Variants in ATL2 observed in about 807,000 individuals in gnomAD.
ATL2 encodes the protein atlastin-2.
A neutral mutation model predicts 73.9 loss-of-function variants in ATL2; 31 were observed. That is an observed-to-expected ratio of 0.42 (90% CI 0.32 to 0.57). The LOEUF (loss-of-function observed/expected upper bound fraction) is 0.57. Among genes scored for constraint, ATL2 ranks in the 20% least tolerant of loss-of-function variants. The pLI is 0.14. For synonymous variants in ATL2, 291 were observed against 237.5 expected, an observed-to-expected ratio of 1.23 and a Z score of -2.07; for missense variants, 738 against 702.6, an observed-to-expected ratio of 1.05 and a Z score of -0.57.
intron 2 of ATL2, among the ~76,000 whole-genome samples, chr2:38,322,092 G>C (rs780357273): frequency 6.6e-6 from 1 of 151,852 alleles, no homozygotes; most frequent in Non-Finnish European, 1.5e-5. Context: ...TGAGAGCAAA[G>C]GCTACAAACA....
intron 9 of ATL2, 114 bp downstream of exon 9, chr2:38,309,265 A>C: frequency 9.6e-7 from 1 of 1,046,124 alleles, no homozygotes; most frequent in Non-Finnish European, 1.3e-6. Flanking sequence ...GATAAATCAC[A>C]AATCTTACTC....
At chr2:38,297,748 C>T (rs982095938) in intron 12 of ATL2, among the ~76,000 whole-genome samples, 1 of 152,284 alleles carries the variant, frequency 6.6e-6, no homozygotes, top group African/African-American at 2.4e-5. Flanking sequence ...TGCATTGCTG[C>T]TTGCCAATAT....
intron 7 of ATL2, among the ~76,000 whole-genome samples, chr2:38,311,749 A>G (rs944356981): frequency 7.9e-5 from 12 of 152,216 alleles, no homozygotes; most frequent in African/African-American, 2.9e-4. Context: ...TTCATTTTTT[A>G]TAAATTCATC....
intron 1 of ATL2, among the ~76,000 whole-genome samples, chr2:38,366,505 C>A (rs931629926): frequency 3.9e-5 from 6 of 152,074 alleles, no homozygotes; most frequent in African/African-American, 1.4e-4. Context: ...TAAAAAGTTA[C>A]CAAAATACTG....
chr2:38,306,891 A>G (rs1667475615), intron 9 of ATL2, among the ~76,000 whole-genome samples: 1 of 152,202 alleles, frequency 6.6e-6, no homozygotes, highest in South Asian at 2.1e-4. Flanking sequence ...TGGAAGTTGT[A>G]CTTCAGTACA....
At chr2:38,349,114 G>GT (rs1312368563) in intron 1 of ATL2, among the ~76,000 whole-genome samples, 2 of 151,724 alleles carry the variant, frequency 1.3e-5, no homozygotes, top group East Asian at 1.9e-4. Flanking sequence ...AGTCAGTGTG[G>GT]CGATTCCTCA....
At chr2:38,367,445 T>C (rs545652995) in intron 1 of ATL2, among the ~76,000 whole-genome samples, 20 of 149,700 alleles carry the variant, frequency 1.3e-4, no homozygotes, top group Admixed American at 5.3e-4. Context: ...CTATTAAAAA[T>C]ACAAAAAAAA....
At chr2:38,314,356 T>C (rs1275677349) in intron 6 of ATL2, among the ~76,000 whole-genome samples, 1 of 152,204 alleles carries the variant, frequency 6.6e-6, no homozygotes, top group Non-Finnish European at 1.5e-5. Context: ...ATAACATCTG[T>C]TAAGAGAAAC....
intron 2 of ATL2, among the ~76,000 whole-genome samples, chr2:38,321,979 C>T (rs1484000087): frequency 1.3e-5 from 2 of 152,132 alleles, no homozygotes; most frequent in Non-Finnish European, 2.9e-5. Context: ...TGATACTCCC[C>T]ATAGATCTCA....
At chr2:38,348,646 A>C (rs890737858) in intron 1 of ATL2, among the ~76,000 whole-genome samples, 1 of 151,902 alleles carries the variant, frequency 6.6e-6, no homozygotes, top group Non-Finnish European at 1.5e-5. Flanking sequence ...GAAAAAAAAA[A>C]AACCCAAAAG....
At chr2:38,316,486 T>C (rs1023452541) in intron 4 of ATL2, among the ~76,000 whole-genome samples, 4 of 152,150 alleles carry the variant, frequency 2.6e-5, no homozygotes, top group African/African-American at 4.8e-5. Context: ...TATGTATTTG[T>C]TGAAGGAATA....
intron 9 of ATL2, among the ~76,000 whole-genome samples, chr2:38,304,950 C>G (rs1250113866): frequency 6.6e-6 from 1 of 151,976 alleles, no homozygotes; most frequent in Non-Finnish European, 1.5e-5. Context: ...TGTAAATGGG[C>G]TAAACTCTCC....
chr2:38,330,685 A>C (rs563347484), intron 2 of ATL2, among the ~76,000 whole-genome samples: 84 of 152,384 alleles, frequency 5.5e-4, no homozygotes, highest in African/African-American at 2.0e-3. Context: ...AAATTGAAGA[A>C]AAGTGCAAAA....
chr2:38,366,515 G>A (rs1558458407), intron 1 of ATL2, among the ~76,000 whole-genome samples: 1 of 152,052 alleles, frequency 6.6e-6, no homozygotes, highest in African/African-American at 2.4e-5. Flanking sequence ...CCAAAATACT[G>A]CCTATCTTTT....
chr2:38,354,106 C>G (rs1472627112), intron 1 of ATL2: 2 of 397,450 alleles, frequency 5.0e-6, no homozygotes, highest in Non-Finnish European at 9.9e-6. Flanking sequence ...GCAGAGGAAT[C>G]ACTTGAACCC....
intron 1 of ATL2, among the ~76,000 whole-genome samples, chr2:38,362,892 A>G (rs1671091383): frequency 6.6e-6 from 1 of 152,248 alleles, no homozygotes. Flanking sequence ...CTCCTACAAG[A>G]TGACATTTGA....
At chr2:38,300,853 G>A (rs1667147376) in intron 9 of ATL2, among the ~76,000 whole-genome samples, 1 of 142,216 alleles carries the variant, frequency 7.0e-6, no homozygotes, top group African/African-American at 2.7e-5. Context: ...ACTTTGACCA[G>A]CTTAAATTGT....
At chr2:38,332,467 G>C (rs1032544301) in intron 2 of ATL2, among the ~76,000 whole-genome samples, 1 of 152,034 alleles carries the variant, frequency 6.6e-6, no homozygotes, top group African/African-American at 2.4e-5. Context: ...CGGCCTCCCA[G>C]AGTTCTGGGA....
rs866759403 is a variant in ATL2 at position 38,294,270 on chromosome 2, C to G, written c.*1724G>C. Among the ~76,000 whole-genome samples, 1 of 152,210 alleles carries G rather than the reference C, an allele frequency of 6.6e-6. No homozygotes were observed. The highest frequency in any genetic ancestry group is 2.4e-5 in the African/African-American group (1 of 41,456). ...TTCGCTTAAAAAGCAAACTAAGGGC[C>G]GGGCGCGGTGGCTCACGCCTGTAAT... On this transcript the variant is annotated 3_prime_UTR_variant, in exon 13 of 13. Coordinates refer to ENST00000378954, the MANE Select transcript of ATL2 (RefSeq NM_001135673.4).
Sources: allele counts gnomAD v4.1 joint callset (sites outside exome capture counted in the v4.1 genomes callset), GRCh38; gene constraint gnomAD v4.1.1; transcripts MANE v1.5; gene names NCBI Gene and HGNC (gene_info 2026-07-23, HGNC 2026-07-21).